Variants in DGKB observed in about 807,000 individuals in gnomAD.
DGKB encodes diacylglycerol kinase beta.
In DGKB, 67 loss-of-function variants were observed where a neutral mutation model predicts 114.3. The ratio of observed to expected loss-of-function variants is 0.59; its 90% CI spans 0.48 to 0.72. The LOEUF is 0.72. Among genes scored for constraint, DGKB ranks in the 30% least tolerant of loss-of-function variants. DGKB has a pLI of 0.00. For missense variants in DGKB, 907 were observed against 975.2 expected, an observed-to-expected ratio of 0.93 and a Z score of 0.93; for synonymous variants, 398 against 323.1, an observed-to-expected ratio of 1.23 and a Z score of -2.49.
chr7:14,686,504 A>T (rs1470418244), intron 9 of DGKB, among the ~76,000 whole-genome samples: 1 of 152,192 alleles, frequency 6.6e-6, no homozygotes, highest in Non-Finnish European at 1.5e-5. Flanking sequence ...TTCTTGGAAC[A>T]CATTCACCTA....
At chr7:14,809,808 T>C (rs572040309) in intron 2 of DGKB, among the ~76,000 whole-genome samples, 1 of 152,200 alleles carries the variant, frequency 6.6e-6, no homozygotes, top group South Asian at 2.1e-4. Flanking sequence ...CTCAAGAAAA[T>C]TGTAGTCTTG....
chr7:14,835,059 A>T (rs1846962413), intron 2 of DGKB, among the ~76,000 whole-genome samples: 1 of 152,180 alleles, frequency 6.6e-6, no homozygotes, highest in Non-Finnish European at 1.5e-5. Flanking sequence ...ATATGAAGCC[A>T]ACATATATTC....
chr7:14,506,990 A>G (rs1260436168), intron 20 of DGKB, among the ~76,000 whole-genome samples: 1 of 152,166 alleles, frequency 6.6e-6, no homozygotes, highest in Non-Finnish European at 1.5e-5. Context: ...GGTGACATAC[A>G]AATTTGTATT....
At position 14,534,271 on chromosome 7, in the gene DGKB, T is replaced by C. The variant is rs1385648160; in HGVS notation, c.1770+39941A>G. Among the ~76,000 whole-genome samples, 3 of 152,164 alleles carry C rather than the reference T, an allele frequency of 2.0e-5. 1 individual carries two copies. The highest frequency in any genetic ancestry group is 3.9e-4 in the East Asian group (2 of 5,178). On this transcript the variant is annotated intron_variant, in intron 20 of 25. Transcript: ENST00000402815. ...ATTACAAGAGGTTAGTCCAGGCTTA[T>C]GGTAACTATAAAATAAACAAAGGTA...
chr7:14,392,577 A>G (rs1381576690), intron 21 of DGKB, among the ~76,000 whole-genome samples: 1 of 152,180 alleles, frequency 6.6e-6, no homozygotes, highest in Non-Finnish European at 1.5e-5. Flanking sequence ...GCAGAAGCTT[A>G]GACAATTTAT....
At chr7:14,969,231 C>T (rs1036187945) in intron 1 of DGKB, among the ~76,000 whole-genome samples, 1 of 152,134 alleles carries the variant, frequency 6.6e-6, no homozygotes, top group African/African-American at 2.4e-5. Context: ...TTGCAAAATA[C>T]TGATGCTAAT....
chr7:14,539,372 T>C (rs1429197066), intron 20 of DGKB, among the ~76,000 whole-genome samples: 1 of 152,108 alleles, frequency 6.6e-6, no homozygotes, highest in Non-Finnish European at 1.5e-5. Context: ...TTCCTTGCAC[T>C]AATACATGAA....
intron 13 of DGKB, among the ~76,000 whole-genome samples, chr7:14,657,310 T>G (rs1160639521): frequency 6.6e-6 from 1 of 151,864 alleles, no homozygotes; most frequent in East Asian, 1.9e-4. Flanking sequence ...CAGCTATCCT[T>G]TATGAATAAT....
intron 17 of DGKB, among the ~76,000 whole-genome samples, chr7:14,605,534 A>T (rs1295977211): frequency 6.6e-6 from 1 of 151,580 alleles, no homozygotes; most frequent in Non-Finnish European, 1.5e-5. Context: ...GGACCTTTAA[A>T]TTTTTTTCTA....
Position 14,326,869 on chromosome 7 carries a change from C to G in DGKB, c.2122+11646G>C, listed in dbSNP as rs1808831194. Among the ~76,000 whole-genome samples, 3 of 152,060 alleles carry G rather than the reference C, an allele frequency of 2.0e-5. No individual in the cohort carries two copies. In the South Asian group the frequency reaches 6.2e-4, roughly 32 times the overall value. ...TTGATATCTACATGTCCATTATTAG[C>G]CTGTCCCCATTAACCAATTAAGTAC... On this transcript the variant is annotated intron_variant, in intron 23 of 25. Transcript: ENST00000402815.
intron 6 of DGKB, among the ~76,000 whole-genome samples, chr7:14,703,728 ATT>A (rs1296381316): frequency 6.6e-6 from 1 of 152,058 alleles, no homozygotes; most frequent in African/African-American, 2.4e-5. Flanking sequence ...TTAATACTTC[ATT>A]TGGTCATCGT....
chr7:14,646,107 A>C (rs938512850), intron 13 of DGKB, among the ~76,000 whole-genome samples: 2 of 152,320 alleles, frequency 1.3e-5, no homozygotes, highest in East Asian at 3.9e-4. Flanking sequence ...AGATCCAACT[A>C]TATGCTGCCT....
At chr7:14,344,022 CTG>C (rs1812060267) in intron 22 of DGKB, among the ~76,000 whole-genome samples, 1 of 147,412 alleles carries the variant, frequency 6.8e-6, no homozygotes, top group South Asian at 2.1e-4. Flanking sequence ...AAATATATAA[CTG>C]TAGTACATAT....
intron 1 of DGKB, among the ~76,000 whole-genome samples, chr7:14,878,204 A>T (rs1416536648): frequency 2.0e-5 from 3 of 152,240 alleles, no homozygotes; most frequent in Non-Finnish European, 4.4e-5. Context: ...GGCAATAATA[A>T]TTCACAAGTT....
chr7:14,877,993 TAGA>T (rs2128208139), intron 1 of DGKB, among the ~76,000 whole-genome samples: 1 of 151,990 alleles, frequency 6.6e-6, no homozygotes, highest in East Asian at 1.9e-4. Context: ...ATAATTCTTA[TAGA>T]AGGACAAATA....
intron 20 of DGKB, among the ~76,000 whole-genome samples, chr7:14,498,641 A>T (rs1785659138): frequency 6.6e-6 from 1 of 151,754 alleles, no homozygotes; most frequent in Non-Finnish European, 1.5e-5. Context: ...TTTTGCCTTG[A>T]AGTTTACAGC....
intron 21 of DGKB, among the ~76,000 whole-genome samples, chr7:14,351,440 G>A (rs1174014638): frequency 6.6e-6 from 1 of 152,174 alleles, no homozygotes; most frequent in Non-Finnish European, 1.5e-5. Context: ...ACGAGCCCTA[G>A]GTCAGTGCAG....
At chr7:14,973,658 A>C (rs1787626824) in intron 1 of DGKB, among the ~76,000 whole-genome samples, 1 of 150,168 alleles carries the variant, frequency 6.7e-6, no homozygotes, top group Admixed American at 6.6e-5. Flanking sequence ...TTAGAAAACA[A>C]ATAGCCTTTT....
chr7:14,190,499 A>C (rs1331073970), intron 23 of DGKB, among the ~76,000 whole-genome samples: 10 of 152,142 alleles, frequency 6.6e-5, no homozygotes, highest in Admixed American at 6.5e-4. Context: ...TTAATTTAAT[A>C]ATAAACTAAA....
Sources: gnomAD v4.1 joint callset for allele counts (sites outside exome capture counted in the v4.1 genomes callset) on GRCh38, gnomAD v4.1.1 for gene constraint, MANE v1.5 for transcripts, NCBI Gene and HGNC (gene_info 2026-07-23, HGNC 2026-07-21) for gene names.